Variants in DUSP13A observed in about 807,000 individuals in gnomAD.
DUSP13A encodes the protein dual specificity protein phosphatase 13A.
the DUSP13A span, among the ~76,000 whole-genome samples, chr10:75,106,806 A>G: frequency 6.6e-6 from 1 of 152,240 alleles, no homozygotes; most frequent in Non-Finnish European, 1.5e-5. Context: ...GAATGGATAA[A>G]TAGCAAAAGA....
chr10:75,109,129 C>A, the DUSP13A span: 2 of 1,606,476 alleles, frequency 1.2e-6, no homozygotes, highest in Non-Finnish European at 1.7e-6. Context: ...GTCCTCTCCC[C>A]CCAGCTCTGG....
chr10:75,109,010 C>T, the DUSP13A span: 25 of 1,602,506 alleles, frequency 1.6e-5, no homozygotes, highest in East Asian at 5.2e-4. Context: ...ACCACTCACG[C>T]ATCTCCTATG....
At chr10:75,107,688 T>C in the DUSP13A span, among the ~76,000 whole-genome samples, 2 of 152,150 alleles carry the variant, frequency 1.3e-5, no homozygotes, top group South Asian at 4.1e-4. Flanking sequence ...GCAATTCTCC[T>C]GCCTCAGCCT....
At chr10:75,105,701 C>T in the DUSP13A span, 1 of 1,551,396 alleles carries the variant, frequency 6.4e-7, no homozygotes, top group South Asian at 1.2e-5. Context: ...AGTTGCTGGT[C>T]CAGCCTGCAG....
chr10:75,108,633 G>C, the DUSP13A span, among the ~76,000 whole-genome samples: 1,101 of 152,286 alleles, frequency 7.2e-3, 11 homozygotes, highest in African/African-American at 0.024. Context: ...CTTCAGTCAG[G>C]CTTCTCCACC....
At chr10:75,108,005 G>T in the DUSP13A span, 1 of 1,612,804 alleles carries the variant, frequency 6.2e-7, no homozygotes, top group Non-Finnish European at 8.5e-7. Flanking sequence ...CAGGCGTGTT[G>T]AGGGCACGGT....
chr10:75,107,243 G>T, the DUSP13A span, among the ~76,000 whole-genome samples: 2 of 151,744 alleles, frequency 1.3e-5, no homozygotes, highest in African/African-American at 4.8e-5. Context: ...GCTGAGACAC[G>T]AAAATTGCTT....
At chr10:75,107,980 C>T in the DUSP13A span, 3 of 1,605,894 alleles carry the variant, frequency 1.9e-6, no homozygotes, top group Admixed American at 1.7e-5. Flanking sequence ...GGGCTTGGAC[C>T]CCAAGTCCTA....
chr10:75,107,592 G>C, the DUSP13A span, among the ~76,000 whole-genome samples: 1 of 151,956 alleles, frequency 6.6e-6, no homozygotes, highest in East Asian at 1.9e-4. Context: ...TTTTTGGCGG[G>C]GGGGGATGGA....
chr10:75,107,663 G>GC, the DUSP13A span, among the ~76,000 whole-genome samples: 2 of 151,930 alleles, frequency 1.3e-5, no homozygotes, highest in African/African-American at 2.4e-5. Flanking sequence ...TGCAACCTCC[G>GC]CCCCCCATGT....
At chr10:75,105,901 CCA>C in the DUSP13A span, 1 of 1,536,292 alleles carries the variant, frequency 6.5e-7, no homozygotes, top group Non-Finnish European at 8.8e-7. Flanking sequence ...AAACCCTGTC[CCA>C]CACACCGGCC....
At chr10:75,106,108 T>C in the DUSP13A span, among the ~76,000 whole-genome samples, 2 of 150,274 alleles carry the variant, frequency 1.3e-5, no homozygotes, top group Non-Finnish European at 3.0e-5. Context: ...TTTCTTTTTT[T>C]TTTTTTTTTT....
chr10:75,108,214 G>C, the DUSP13A span: 3 of 1,593,386 alleles, frequency 1.9e-6, no homozygotes, highest in Non-Finnish European at 2.6e-6. Context: ...GTGGCCCTGG[G>C]GAGGGCAGGA....
chr10:75,106,407 G>A, the DUSP13A span, among the ~76,000 whole-genome samples: 1 of 151,916 alleles, frequency 6.6e-6, no homozygotes, highest in East Asian at 1.9e-4. Flanking sequence ...CCTGCAAATT[G>A]TTTCCCCTGG....
chr10:75,105,955 C>T, the DUSP13A span: 1 of 1,304,926 alleles, frequency 7.7e-7, no homozygotes, highest in Non-Finnish European at 1.1e-6. Context: ...CTTTCCTGAC[C>T]CTGCCTTGGG....
At chr10:75,107,841 T>C in the DUSP13A span, 9 of 991,166 alleles carry the variant, frequency 9.1e-6, no homozygotes, top group Admixed American at 2.8e-5. Flanking sequence ...CCTCCCAAAG[T>C]GCTAGGATTA....
chr10:75,108,353 T>C, the DUSP13A span: 1 of 1,395,190 alleles, frequency 7.2e-7, no homozygotes, highest in Non-Finnish European at 9.4e-7. Flanking sequence ...GGGGTCTGAC[T>C]CCACAGCCCT....
the DUSP13A span, chr10:75,105,720 C>G: frequency 6.4e-7 from 1 of 1,554,024 alleles, no homozygotes; most frequent in South Asian, 1.2e-5. Context: ...AGAGCTGGTG[C>G]AGGAAGCCTC....
the DUSP13A span, among the ~76,000 whole-genome samples, chr10:75,106,235 C>T: frequency 6.6e-6 from 1 of 151,832 alleles, no homozygotes; most frequent in African/African-American, 2.4e-5. Flanking sequence ...AGACACCGCT[C>T]CTGGCCTCCA....
Sources: gnomAD v4.1 joint callset for allele counts (sites outside exome capture counted in the v4.1 genomes callset) on GRCh38, gnomAD v4.1.1 for gene constraint, MANE v1.5 for transcripts, NCBI Gene and HGNC (gene_info 2026-07-23, HGNC 2026-07-21) for gene names.